RIPOR3: variants seen among roughly 807,000 people sequenced by gnomAD.
The protein encoded by RIPOR3 is RIPOR family member 3, also known as family with sequence similarity 65 member C.
RIPOR3 carries 95 observed loss-of-function variants against 114.3 expected under a neutral mutation model. That is an observed-to-expected ratio of 0.83 (90% confidence interval 0.70 to 0.99). RIPOR3 has a LOEUF of 0.99. Among genes scored for constraint, RIPOR3 ranks in the 50% least tolerant of loss-of-function variants. RIPOR3 has a pLI of 0.00. For synonymous variants in RIPOR3, 575 were observed against 543.8 expected, an observed-to-expected ratio of 1.06 and a Z score of -0.80; for missense variants, 1,252 against 1,266.9, an observed-to-expected ratio of 0.99 and a Z score of 0.18.
At chr20:50,610,192 TCCTGCCACC>T (rs1483544086) in intron 6 of RIPOR3, among the ~76,000 whole-genome samples, 6 of 100,086 alleles carry the variant, frequency 6.0e-5, no homozygotes, top group African/African-American at 1.1e-4. Flanking sequence ...CTCCTGCCTC[TCCTGCCACC>T]CCTGCCAACC....
rs2083049982 is a variant in RIPOR3, at chr20:50,589,721, G to A, written c.2626C>T (p.Gln876Ter). Reference sequence around the variant, plus strand: ...TTGAGCGCTAGGCATGCGGCCTGCTGGAGCCTTGCGTCGTTCTCTGCCAGG... The same window carrying A: ...TTGAGCGCTAGGCATGCGGCCTGCTAGAGCCTTGCGTCGTTCTCTGCCAGG... ...NALAENDARL[Q>*]QAACLALKHL... The change falls in exon 20 of 22, where the codon CAG (glutamine) becomes TAG (stop). Residue 876 changes from glutamine (Q) to a stop codon, truncating the protein, a stop_gained. Coordinates refer to ENST00000327979, the MANE Select transcript of RIPOR3 (RefSeq NM_001290268.2). LOFTEE classifies it high-confidence loss of function. 6.2e-7 allele frequency: 1 copy of A among 1,613,928 alleles called. No individual in the cohort carries two copies. Among genetic ancestry groups the A allele is most frequent in the African/African-American group, 1.3e-5 (1 of 75,062 alleles).
At chr20:50,662,484 A>T (rs2086030970) in intron 1 of RIPOR3, among the ~76,000 whole-genome samples, 1 of 152,186 alleles carries the variant, frequency 6.6e-6, no homozygotes, top group Non-Finnish European at 1.5e-5. Context: ...TGGACTTCAT[A>T]GGTGCAGCCG....
intron 1 of RIPOR3, among the ~76,000 whole-genome samples, chr20:50,656,183 T>A (rs974343503): frequency 1.3e-5 from 2 of 149,750 alleles, no homozygotes; most frequent in Non-Finnish European, 3.0e-5. Context: ...AATTTTTGTA[T>A]TTTTAGTAGA....
intron 1 of RIPOR3, among the ~76,000 whole-genome samples, chr20:50,662,677 T>C (rs961240759): frequency 6.6e-6 from 1 of 152,108 alleles, no homozygotes; most frequent in Non-Finnish European, 1.5e-5. Context: ...GGGTGTCCAC[T>C]GGACCAGGAC....
At chr20:50,608,860 C>T (rs2083832834) in intron 9 of RIPOR3, 52 bp downstream of exon 9, 5 of 1,606,254 alleles carry the variant, frequency 3.1e-6, no homozygotes, top group Non-Finnish European at 4.2e-6. Context: ...GCTCCCGTCC[C>T]CCAAAGACCT....
In RIPOR3 at chr20:50,592,408, C is replaced by T. The variant is rs1429040968; in HGVS notation, c.2513G>A (p.Arg838Lys). The part of the protein sequence containing the change: ...WALLQLDGTP[R>K]VCRAASARLA... ...GCGAGCGCTGGCCGCCCTGCACACC[C>T]TCGGAGTGCCGTCCAGCTGGAGCAG... Residue 838 changes from arginine (R) to lysine (K), a missense_variant, in exon 19 of 22, where the codon AGG (arginine) becomes AAG (lysine). Transcript: ENST00000327979. 2 of 1,611,908 alleles carry T rather than the reference C, an allele frequency of 1.2e-6. No homozygotes were observed. Among genetic ancestry groups the T allele is most frequent in the Non-Finnish European group, 1.7e-6 (2 of 1,178,948 alleles).
intron 1 of RIPOR3, among the ~76,000 whole-genome samples, chr20:50,688,040 GCCC>G (rs1301007043): frequency 2.7e-5 from 4 of 148,344 alleles, no homozygotes; most frequent in African/African-American, 9.9e-5. Context: ...GTTGATTTTT[GCCC>G]CCAGCAAAAT....
At chr20:50,608,258 A>G (rs2083798918) in intron 11 of RIPOR3, 131 bp downstream of exon 11, 4 of 1,281,032 alleles carry the variant, frequency 3.1e-6, no homozygotes, top group Admixed American at 2.2e-5. Context: ...GGAGTGAGGG[A>G]CAGATGAGGA....
At chr20:50,638,348 G>A (rs2085063207) in intron 1 of RIPOR3, among the ~76,000 whole-genome samples, 1 of 152,240 alleles carries the variant, frequency 6.6e-6, no homozygotes, top group African/African-American at 2.4e-5. Flanking sequence ...AGCAGGCACG[G>A]GAGTGAGGAC....
chr20:50,688,602 C>T (rs958082106), intron 1 of RIPOR3, among the ~76,000 whole-genome samples: 6 of 152,228 alleles, frequency 3.9e-5, no homozygotes, highest in Non-Finnish European at 8.8e-5. Context: ...GCCTCCAGCA[C>T]ACCTCTGTCT....
chr20:50,607,637 G>T (rs1357325311), intron 11 of RIPOR3, among the ~76,000 whole-genome samples: 1 of 152,112 alleles, frequency 6.6e-6, no homozygotes. Context: ...TGGGCGAGGG[G>T]TATTCTCAGC....
chr20:50,641,991 T>C (rs1415851867), intron 1 of RIPOR3, among the ~76,000 whole-genome samples: 1 of 152,110 alleles, frequency 6.6e-6, no homozygotes, highest in African/African-American at 2.4e-5. Flanking sequence ...GTTTGCGCCA[T>C]GGCAGTAGTA....
chr20:50,651,514 C>T (rs114902941), intron 1 of RIPOR3, among the ~76,000 whole-genome samples: 2,759 of 152,130 alleles, frequency 0.018, 96 homozygotes, highest in African/African-American at 0.063. Flanking sequence ...AATGGAAGGC[C>T]CCTACTCAAT....
At chr20:50,683,634 G>A (rs1295721866) in intron 1 of RIPOR3, among the ~76,000 whole-genome samples, 1 of 151,490 alleles carries the variant, frequency 6.6e-6, no homozygotes, top group South Asian at 2.1e-4. Flanking sequence ...TGTATTTTTA[G>A]TAGAGACGGG....
intron 1 of RIPOR3, among the ~76,000 whole-genome samples, chr20:50,639,574 G>A (rs1157340660): frequency 4.6e-5 from 7 of 152,252 alleles, no homozygotes; most frequent in South Asian, 2.1e-4. Flanking sequence ...TCACCAAAAC[G>A]CCTGCATAAA....
At chr20:50,593,996 C>T (rs912691106) in intron 17 of RIPOR3, among the ~76,000 whole-genome samples, 3 of 152,054 alleles carry the variant, frequency 2.0e-5, no homozygotes, top group Non-Finnish European at 4.4e-5. Flanking sequence ...GGCGGCCGGG[C>T]GCAGTGGCTC....
At chr20:50,670,392 G>T (rs934081559) in intron 1 of RIPOR3, among the ~76,000 whole-genome samples, 1 of 52,088 alleles carries the variant, frequency 1.9e-5, no homozygotes, top group Non-Finnish European at 3.6e-5. Flanking sequence ...CCCAGTGCCA[G>T]CTTAGAGAAA....
In RIPOR3 at chr20:50,587,907, G is replaced by A; in HGVS notation, c.2662-15C>T. 6.2e-7 allele frequency: 1 copy of A among 1,613,626 alleles called. No individual in the cohort carries two copies. The highest frequency in any genetic ancestry group is 1.1e-5 in the South Asian group (1 of 91,056). On this transcript the variant is annotated splice_polypyrimidine_tract_variant and intron_variant, in intron 20 of 21. Transcript: ENST00000327979. ...CTTTCAATGCCCTGTTCGAGATTAGGAGAAAAAGAACCCTTTAGGGGGCCT... is the reference window on the plus strand; with the variant it reads ...CTTTCAATGCCCTGTTCGAGATTAGAAGAAAAAGAACCCTTTAGGGGGCCT...
chr20:50,691,323 C>A lies in RIPOR3; in HGVS notation c.-195G>T. 1 of 576,012 alleles carries A rather than the reference C, an allele frequency of 1.7e-6. No individual in the cohort carries two copies. Among genetic ancestry groups the A allele is most frequent in the Non-Finnish European group, 2.7e-6 (1 of 370,742 alleles). The allele number at this position is 576,012 out of a possible 1,614,324, so 35.7% of individuals were successfully genotyped here. On this transcript the variant is annotated 5_prime_UTR_variant, in exon 1 of 22. Transcript: ENST00000327979. ...CTGGGAAGATCGCCTTGAGGACCTG[C>A]TGCGCCCCGAGTCTTCCTTCTGGTG...
Sources: gnomAD v4.1 joint callset for allele counts (sites outside exome capture counted in the v4.1 genomes callset) on GRCh38, gnomAD v4.1.1 for gene constraint, MANE v1.5 for transcripts, NCBI Gene and HGNC (gene_info 2026-07-23, HGNC 2026-07-21) for gene names.